CNTN5: variants seen among roughly 807,000 people sequenced by gnomAD.
The protein encoded by CNTN5 is contactin 5.
CNTN5 carries 77 observed loss-of-function variants against 129.1 expected under a neutral mutation model. That is an observed-to-expected ratio of 0.60 (90% CI 0.50 to 0.72). The LOEUF is 0.72. CNTN5 is among the 30% of genes least tolerant of loss of function. The pLI is 0.00. For synonymous variants in CNTN5, 509 were observed against 465.6 expected (o/e 1.09, Z -1.20); for missense variants, 1,478 against 1,328.8 (o/e 1.11, Z -1.75).
chr11:99,463,578 ATTCCAAGCTAGTACTG>A (rs1344205874), intron 2 of CNTN5, among the ~76,000 whole-genome samples: 1,837 of 152,158 alleles, frequency 0.012, 40 homozygotes, highest in African/African-American at 0.042. Context: ...AATGTCTGCT[ATTCCAAGCTAGTACTG>A]TAGCTATGTA....
intron 3 of CNTN5, among the ~76,000 whole-genome samples, chr11:99,714,916 A>G (rs549961319): frequency 5.3e-5 from 8 of 151,004 alleles, no homozygotes; most frequent in East Asian, 2.0e-4. Flanking sequence ...GTAAAGCACT[A>G]TTGAGAGTGC....
intron 15 of CNTN5, among the ~76,000 whole-genome samples, chr11:100,210,296 G>A (rs561337480): frequency 1.4e-5 from 2 of 143,800 alleles, no homozygotes; most frequent in Non-Finnish European, 3.0e-5. Context: ...GTTGCCGTGA[G>A]CCAAGAACCT....
intron 1 of CNTN5, among the ~76,000 whole-genome samples, chr11:99,317,839 C>T (rs893439991): frequency 2.6e-5 from 4 of 151,866 alleles, no homozygotes; most frequent in Non-Finnish European, 5.9e-5. Flanking sequence ...AAAAAGAAAA[C>T]TTCTATAAAT....
At chr11:100,059,261 C>G (rs1006226739) in intron 9 of CNTN5, among the ~76,000 whole-genome samples, 3 of 152,096 alleles carry the variant, frequency 2.0e-5, no homozygotes, top group African/African-American at 4.8e-5. Flanking sequence ...GAGATCCAAA[C>G]ATTTTAAAAT....
At chr11:99,426,519 TTTTTATAATC>T (rs1284553285) in intron 2 of CNTN5, among the ~76,000 whole-genome samples, 1 of 152,220 alleles carries the variant, frequency 6.6e-6, no homozygotes, top group African/African-American at 2.4e-5. Flanking sequence ...TTCGTAAGCC[TTTTTATAATC>T]TTTTACAATT....
intron 21 of CNTN5, among the ~76,000 whole-genome samples, chr11:100,324,389 A>G (rs1393625333): frequency 6.6e-6 from 1 of 152,186 alleles, no homozygotes; most frequent in Non-Finnish European, 1.5e-5. Flanking sequence ...AGCAGTTTCA[A>G]AAGATAAATA....
intron 1 of CNTN5, among the ~76,000 whole-genome samples, chr11:99,219,405 C>A (rs1860288327): frequency 6.6e-6 from 1 of 151,720 alleles, no homozygotes; most frequent in South Asian, 2.1e-4. Context: ...TAATTGTGAG[C>A]AAGGAGGTGG....
At chr11:99,299,905 G>A (rs1233036438) in intron 1 of CNTN5, among the ~76,000 whole-genome samples, 1 of 152,008 alleles carries the variant, frequency 6.6e-6, no homozygotes, top group Non-Finnish European at 1.5e-5. Context: ...CCTTCAGATA[G>A]ATATACAGTA....
At chr11:99,464,291 T>C (rs1591105347) in intron 2 of CNTN5, among the ~76,000 whole-genome samples, 1 of 152,178 alleles carries the variant, frequency 6.6e-6, no homozygotes, top group East Asian at 1.9e-4. Flanking sequence ...TCCAGGGGAA[T>C]TGGGGATAAA....
At chr11:99,216,734 A>G (rs898781) in intron 1 of CNTN5, among the ~76,000 whole-genome samples, 115,701 of 151,518 alleles carry the variant, frequency 0.76, 44,488 homozygotes, top group East Asian at 0.99. Context: ...TATTTCCTGA[A>G]TAAGACTTCA....
chr11:99,274,487 G>C (rs12416800), intron 1 of CNTN5, among the ~76,000 whole-genome samples: 14,661 of 151,486 alleles, frequency 0.097, 1,526 homozygotes, highest in East Asian at 0.45. Context: ...TCAGTACATT[G>C]TAAATGTGTA....
intron 3 of CNTN5, among the ~76,000 whole-genome samples, chr11:99,781,142 T>G (rs1343125285): frequency 6.6e-6 from 1 of 152,074 alleles, no homozygotes; most frequent in African/African-American, 2.4e-5. Flanking sequence ...AAGAATCAAA[T>G]AGCACACACA....
chr11:99,084,172 A>G (rs970083445), intron 1 of CNTN5, among the ~76,000 whole-genome samples: 3 of 152,164 alleles, frequency 2.0e-5, no homozygotes, highest in African/African-American at 7.2e-5. Context: ...GTCATTTCCT[A>G]TCATACAATA....
intron 3 of CNTN5, among the ~76,000 whole-genome samples, chr11:99,744,814 T>C (rs1944001811): frequency 6.6e-6 from 1 of 152,036 alleles, no homozygotes; most frequent in Non-Finnish European, 1.5e-5. Flanking sequence ...TGCGACTCTT[T>C]AAGCACAGAA....
chr11:100,153,679 C>T (rs550201224), intron 13 of CNTN5, among the ~76,000 whole-genome samples: 536 of 152,080 alleles, frequency 3.5e-3, no homozygotes, highest in South Asian at 0.01. Flanking sequence ...AAAAGCCTTT[C>T]GCAAGAAAAA....
At chr11:99,034,118 C>A (rs1057193387) in intron 1 of CNTN5, among the ~76,000 whole-genome samples, 2 of 152,274 alleles carry the variant, frequency 1.3e-5, no homozygotes, top group Admixed American at 6.5e-5. Context: ...AAGGATGAAG[C>A]CCACTTGATC....
chr11:100,324,465 T>A (rs76972873), intron 21 of CNTN5, among the ~76,000 whole-genome samples: 1,870 of 152,246 alleles, frequency 0.012, 46 homozygotes, highest in African/African-American at 0.043. Flanking sequence ...GCTATAATAA[T>A]CAAAAGGACT....
At chr11:99,157,588 A>G (rs895685990) in intron 1 of CNTN5, among the ~76,000 whole-genome samples, 4 of 152,106 alleles carry the variant, frequency 2.6e-5, no homozygotes, top group African/African-American at 7.2e-5. Context: ...ATGTTTTGGT[A>G]AAAATATACC....
Position 99,746,709 on chromosome 11 carries a change from G to T in CNTN5, c.56-72835G>T, listed in dbSNP as rs115864853. Reference sequence around the variant, plus strand: ...CCTGAAACCATCTCCACTGCCCTACGCCCTCTTCTTGCTGTCTGTGGAAAA... The same window carrying T: ...CCTGAAACCATCTCCACTGCCCTACTCCCTCTTCTTGCTGTCTGTGGAAAA... On this transcript the variant is annotated intron_variant, in intron 3 of 24. Coordinates refer to ENST00000524871, the MANE Select transcript of CNTN5 (RefSeq NM_014361.4). 2.3e-3 allele frequency among the ~76,000 whole-genome samples: 351 copies of T among 152,246 alleles called. 1 individual carries two copies. The highest frequency in any genetic ancestry group is 7.9e-3 in the African/African-American group (329 of 41,544).
Sources: gnomAD v4.1 joint callset for allele counts (sites outside exome capture counted in the v4.1 genomes callset) on GRCh38, gnomAD v4.1.1 for gene constraint, MANE v1.5 for transcripts, NCBI Gene and HGNC (gene_info 2026-07-23, HGNC 2026-07-21) for gene names.